ERBB4: variants seen among roughly 807,000 people sequenced by gnomAD.
The protein encoded by ERBB4 is receptor tyrosine-protein kinase erbB-4.
Under a neutral mutation model 158.0 loss-of-function variants are expected in ERBB4, and 42 were observed. That is an observed-to-expected ratio of 0.27 (90% CI 0.21 to 0.34). The LOEUF (loss-of-function observed/expected upper bound fraction) is 0.34. Ranked by LOEUF, ERBB4 falls within the 10% of genes least tolerant of loss-of-function variation. ERBB4 has a pLI of 1.00. For missense variants in ERBB4, 1,333 were observed against 1,624.1 expected (o/e 0.82, Z 3.08); for synonymous variants, 583 against 558.7 (o/e 1.04, Z -0.61).
At chr2:211,430,899 A>G (rs2063735500) in intron 21 of ERBB4, 46 bp downstream of exon 21, 5 of 1,463,140 alleles carry the variant, frequency 3.4e-6, no homozygotes, top group Non-Finnish European at 4.8e-6. Context: ...ATAAAAGGAT[A>G]TTATACTATA....
At position 211,908,892 on chromosome 2, in the gene ERBB4, A is replaced by T. The variant is rs533840698; in HGVS notation, c.421+38538T>A. On this transcript the variant is annotated intron_variant, in intron 3 of 27. Coordinates refer to ENST00000342788, the MANE Select transcript of ERBB4 (RefSeq NM_005235.3). The stretch of plus-strand genomic sequence containing the variant: ...TTGAAATAACTGTATCACAAATAAA[A>T]AATTAATATATATTATAAGCTAGAT... Among the ~76,000 whole-genome samples, 32 of 151,784 alleles carry T rather than the reference A, an allele frequency of 2.1e-4. 1 individual carries two copies. The South Asian group carries it at 2.9e-3, about 14-fold the overall frequency.
chr2:211,999,906 C>A (rs1303730832), intron 2 of ERBB4, among the ~76,000 whole-genome samples: 7 of 151,562 alleles, frequency 4.6e-5, no homozygotes, highest in Non-Finnish European at 5.9e-5. Flanking sequence ...AAAAAAAAGT[C>A]TTTTAATTTT....
intron 19 of ERBB4, among the ~76,000 whole-genome samples, chr2:211,616,693 A>G (rs2069405701): frequency 6.6e-6 from 1 of 152,118 alleles, no homozygotes; most frequent in Admixed American, 6.6e-5. Context: ...CTGCATTTTA[A>G]TCATTGTGAT....
At chr2:212,002,932 G>A (rs774460417) in intron 2 of ERBB4, among the ~76,000 whole-genome samples, 2 of 151,244 alleles carry the variant, frequency 1.3e-5, no homozygotes, top group Non-Finnish European at 1.5e-5. Flanking sequence ...ATAGTGGTGG[G>A]AACCTGTAAT....
intron 1 of ERBB4, among the ~76,000 whole-genome samples, chr2:212,138,112 T>C (rs929098012): frequency 6.6e-6 from 1 of 152,190 alleles, no homozygotes; most frequent in Non-Finnish European, 1.5e-5. Context: ...GTTAAGCTGC[T>C]AATAAATATG....
intron 1 of ERBB4, among the ~76,000 whole-genome samples, chr2:212,455,527 ATATTT>A: frequency 6.6e-6 from 1 of 151,028 alleles, no homozygotes; most frequent in South Asian, 2.1e-4. Flanking sequence ...GAGAAACTGA[ATATTT>A]TATTTTGACA....
intron 1 of ERBB4, among the ~76,000 whole-genome samples, chr2:212,537,132 AGGCGGCGGC>A (rs71397171): frequency 4.0e-5 from 4 of 99,524 alleles, no homozygotes; most frequent in East Asian, 2.0e-4. Context: ...TAGGCAAAGG[AGGCGGCGGC>A]GGCGGCGGCG....
At chr2:211,529,751 T>A (rs187802757) in intron 20 of ERBB4, among the ~76,000 whole-genome samples, 54 of 152,230 alleles carry the variant, frequency 3.5e-4, no homozygotes, top group African/African-American at 1.2e-3. Context: ...CAAAATTATA[T>A]AATCATTTCA....
chr2:211,528,196 C>G (rs1313303942), intron 20 of ERBB4, among the ~76,000 whole-genome samples: 1 of 151,794 alleles, frequency 6.6e-6, no homozygotes, highest in South Asian at 2.1e-4. Context: ...AAAAAAAGAG[C>G]AAGAGTTGCT....
intron 24 of ERBB4, among the ~76,000 whole-genome samples, chr2:211,421,096 C>A (rs562578679): frequency 3.9e-5 from 6 of 152,052 alleles, no homozygotes; most frequent in Admixed American, 3.3e-4. Context: ...ACTCACAGTG[C>A]AAGTGGCAAA....
intron 2 of ERBB4, among the ~76,000 whole-genome samples, chr2:212,065,025 GTGTT>G (rs1575588773): frequency 1.4e-5 from 2 of 143,930 alleles, no homozygotes; most frequent in Non-Finnish European, 3.1e-5. Context: ...GTGTGTGTGT[GTGTT>G]GTGTGTGTGT....
chr2:212,064,599 A>G (rs2125431143), intron 2 of ERBB4, among the ~76,000 whole-genome samples: 1 of 152,172 alleles, frequency 6.6e-6, no homozygotes, highest in African/African-American at 2.4e-5. Flanking sequence ...TCATACATTC[A>G]TTATACCTAC....
intron 2 of ERBB4, among the ~76,000 whole-genome samples, chr2:212,090,089 C>A (rs183773274): frequency 6.6e-6 from 1 of 152,128 alleles, no homozygotes. Context: ...TATCAGAAAC[C>A]TGCATGGAGA....
intron 2 of ERBB4, among the ~76,000 whole-genome samples, chr2:212,028,142 C>T (rs1183674008): frequency 6.6e-6 from 1 of 151,922 alleles, no homozygotes; most frequent in Non-Finnish European, 1.5e-5. Context: ...TTTTTTCAGG[C>T]TTCAAGTTGT....
chr2:212,224,015 A>C (rs1217484712), intron 1 of ERBB4, among the ~76,000 whole-genome samples: 2 of 151,920 alleles, frequency 1.3e-5, no homozygotes, highest in Non-Finnish European at 2.9e-5. Context: ...TAGTATTCAA[A>C]ATTTTACAAA....
intron 9 of ERBB4, among the ~76,000 whole-genome samples, 196 bp from the exon 10 acceptor site, chr2:211,705,587 T>C (rs1165248091): frequency 6.6e-6 from 1 of 152,222 alleles, no homozygotes; most frequent in African/African-American, 2.4e-5. Flanking sequence ...TGTCACAAAA[T>C]ATGAGATTTT....
At chr2:211,559,408 T>A (rs1186205213) in intron 20 of ERBB4, among the ~76,000 whole-genome samples, 2 of 152,238 alleles carry the variant, frequency 1.3e-5, no homozygotes, top group African/African-American at 2.4e-5. Context: ...TTTCTTGCTA[T>A]ACTGGGTAAC....
At chr2:212,015,042 ATATATATATAT>A (rs2076483218) in intron 2 of ERBB4, among the ~76,000 whole-genome samples, 1 of 11,630 alleles carries the variant, frequency 8.6e-5, no homozygotes, top group African/African-American at 2.4e-4. Context: ...AAAAAAAAAA[ATATATATATAT>A]ATATATATAT....
chr2:211,568,029 C>A (rs1289684961), intron 19 of ERBB4, among the ~76,000 whole-genome samples: 2 of 151,990 alleles, frequency 1.3e-5, no homozygotes, highest in African/African-American at 4.8e-5. Flanking sequence ...TTGCTGCTGT[C>A]ACTAGAAAAT....
Sources: gnomAD v4.1 joint callset for allele counts (sites outside exome capture counted in the v4.1 genomes callset) on GRCh38, gnomAD v4.1.1 for gene constraint, MANE v1.5 for transcripts, NCBI Gene and HGNC (gene_info 2026-07-23, HGNC 2026-07-21) for gene names.